ERG: variants seen among roughly 807,000 people sequenced by gnomAD.
ERG encodes the protein ETS transcription factor ERG.
ERG carries 9 observed loss-of-function variants against 55.3 expected under a neutral mutation model. The ratio of observed to expected loss-of-function variants is 0.16; its 90% CI spans 0.10 to 0.28. ERG has a LOEUF of 0.28. ERG is among the 10% of genes least tolerant of loss of function. ERG has a pLI of 1.00. For missense variants in ERG, 434 were observed against 631.6 expected (o/e 0.69, Z 3.35); for synonymous variants, 223 against 237.3 (o/e 0.94, Z 0.55).
chr21:38,371,707 AC>A, the ERG span, among the ~76,000 whole-genome samples: 2 of 152,078 alleles, frequency 1.3e-5, no homozygotes, highest in East Asian at 1.9e-4. Flanking sequence ...ATTTTGATCA[AC>A]CCACCTTGAT....
At chr21:38,474,779 TAAG>T (rs1277015639) in intron 1 of ERG, among the ~76,000 whole-genome samples, 21 of 151,974 alleles carry the variant, frequency 1.4e-4, no homozygotes, top group African/African-American at 4.6e-4. Flanking sequence ...AACGTTGTGA[TAAG>T]AAGCCTTTAG....
upstream of ERG, among the ~76,000 whole-genome samples, chr21:38,501,309 C>T (rs1601145615): frequency 2.6e-5 from 4 of 151,934 alleles, no homozygotes; most frequent in South Asian, 6.2e-4. Flanking sequence ...CTTCATGATC[C>T]ACCCGCCTCA....
At chr21:38,444,802 G>A (rs1392522909) in intron 2 of ERG, among the ~76,000 whole-genome samples, 1 of 151,900 alleles carries the variant, frequency 6.6e-6, no homozygotes, top group Admixed American at 6.6e-5. Flanking sequence ...AGGGTGGAGG[G>A]CAGACAATGG....
intron 2 of ERG, among the ~76,000 whole-genome samples, chr21:38,568,361 A>G (rs1327334414): frequency 6.6e-6 from 1 of 152,218 alleles, no homozygotes; most frequent in Non-Finnish European, 1.5e-5. Flanking sequence ...TGAATGCTCT[A>G]AACTCATTAG....
At chr21:38,630,975 C>A (rs1456879640) in intron 1 of ERG, among the ~76,000 whole-genome samples, 2 of 152,148 alleles carry the variant, frequency 1.3e-5, no homozygotes, top group Admixed American at 1.3e-4. Flanking sequence ...GATAAAGGGT[C>A]ACTTTCTTAA....
chr21:38,536,889 C>T (rs2059714459), intron 2 of ERG, among the ~76,000 whole-genome samples: 1 of 152,096 alleles, frequency 6.6e-6, no homozygotes, highest in South Asian at 2.1e-4. Flanking sequence ...GACAAAATCT[C>T]AAGATTTAGT....
chr21:38,657,434 G>T (rs890979649), intron 1 of ERG, among the ~76,000 whole-genome samples: 1 of 152,000 alleles, frequency 6.6e-6, no homozygotes, highest in Non-Finnish European at 1.5e-5. Context: ...TTAATTTCTT[G>T]GTTTTGTCTA....
At chr21:38,485,203 G>A (rs141543238) in intron 1 of ERG, among the ~76,000 whole-genome samples, 34 of 151,870 alleles carry the variant, frequency 2.2e-4, no homozygotes, top group African/African-American at 7.2e-4. Context: ...GTAGACCTAC[G>A]CTAATGTATG....
chr21:38,463,821 G>A (rs752278360), intron 1 of ERG, among the ~76,000 whole-genome samples: 1 of 152,200 alleles, frequency 6.6e-6, no homozygotes, highest in Non-Finnish European at 1.5e-5. Flanking sequence ...GTTTCCACAG[G>A]CCTGGGATGC....
At chr21:38,513,396 T>G (rs189990735) in intron 2 of ERG, among the ~76,000 whole-genome samples, 224 of 152,234 alleles carry the variant, frequency 1.5e-3, no homozygotes, top group African/African-American at 5.3e-3. Flanking sequence ...TGTTTCAGCA[T>G]GAAAGGAGCA....
chr21:38,526,100 T>C (rs1024095470), intron 2 of ERG, among the ~76,000 whole-genome samples: 2 of 152,146 alleles, frequency 1.3e-5, no homozygotes, highest in African/African-American at 2.4e-5. Context: ...GTCTGTTACA[T>C]GTGCAGGTGC....
At chr21:38,469,697 CTCTTAAACAAG>C (rs2059123345) in intron 1 of ERG, among the ~76,000 whole-genome samples, 1 of 152,150 alleles carries the variant, frequency 6.6e-6, no homozygotes, top group Admixed American at 6.5e-5. Flanking sequence ...TTCTAGGCAG[CTCTTAAACAAG>C]TCTTGCTGTT....
intron 2 of ERG, among the ~76,000 whole-genome samples, chr21:38,435,481 G>C (rs182136115): frequency 4.5e-4 from 68 of 152,286 alleles, no homozygotes; most frequent in African/African-American, 1.5e-3. Flanking sequence ...TGAAACCGTA[G>C]ATGTTTGTCT....
intron 1 of ERG, among the ~76,000 whole-genome samples, chr21:38,487,942 A>C (rs1215820260): frequency 6.6e-6 from 1 of 152,190 alleles, no homozygotes; most frequent in Non-Finnish European, 1.5e-5. Flanking sequence ...GGATAAAATC[A>C]CTAGAATATA....
chr21:38,539,076 T>C (rs2059732221), intron 2 of ERG, among the ~76,000 whole-genome samples: 1 of 152,198 alleles, frequency 6.6e-6, no homozygotes, highest in Admixed American at 6.5e-5. Context: ...TCATTCACCA[T>C]ATTGTGAGCT....
chr21:38,498,632 GAGATTTTTTTTTTTTAATTAAA>G, upstream of ERG: 1 of 643,532 alleles, frequency 1.6e-6, no homozygotes, highest in East Asian at 3.8e-5. The surrounding 1 kb of genome is among the most constrained non-coding windows in gnomAD (Gnocchi z 4.6). Context: ...ATGCAGCCAG[GAGATTTTTTTTTTTTAATTAAA>G]AAAAGAAAAG....
At chr21:38,447,023 AC>A (rs1020242968) in intron 1 of ERG, among the ~76,000 whole-genome samples, 84 of 152,044 alleles carry the variant, frequency 5.5e-4, no homozygotes, top group African/African-American at 2.0e-3. Context: ...CAGTAATCAC[AC>A]CCTAGAAGCA....
Position 38,459,122 on chromosome 21 carries a change from A to C in ERG, c.19-13501T>G, listed in dbSNP as rs533011812. Among the ~76,000 whole-genome samples, 5 of 152,132 alleles carry C rather than the reference A, an allele frequency of 3.3e-5. No individual in the cohort carries two copies. The East Asian group carries it at 9.7e-4, about 29-fold the overall frequency. On this transcript the variant is annotated intron_variant, in intron 1 of 9. Transcript: ENST00000288319. ...CACTCTCCTGGGCCACTTCTCTACT[A>C]GGCTATCATTTCTTCCAAGCCATCA...
Position 38,380,048 on chromosome 21 carries a change from C to G in ERG, c.*3355G>C. The stretch of plus-strand genomic sequence containing the variant: ...AGAATTTGGTGTATTTTTGAGTAGT[C>G]CAAAGTAATTTTTATTCTCTAATTA... On this transcript the variant is annotated 3_prime_UTR_variant, in exon 10 of 10. Coordinates refer to ENST00000288319, the MANE Select transcript of ERG (RefSeq NM_182918.4). 1 of 1,013,798 alleles carries G rather than the reference C, an allele frequency of 9.9e-7. No individual in the cohort carries two copies. The allele number at this position is 1,013,798 out of a possible 1,614,324, so 62.8% of individuals were successfully genotyped here.
Sources: gnomAD v4.1 joint callset for allele counts (sites outside exome capture counted in the v4.1 genomes callset) on GRCh38, gnomAD v4.1.1 for gene constraint, Gnocchi (gnomAD v3.1) non-coding constraint, MANE v1.5 for transcripts, NCBI Gene and HGNC (gene_info 2026-07-23, HGNC 2026-07-21) for gene names.